PHYHIPL: variants seen among roughly 807,000 people sequenced by gnomAD.
PHYHIPL encodes the protein phytanoyl-CoA 2-hydroxylase interacting protein like.
PHYHIPL carries 9 observed loss-of-function variants against 33.4 expected under a neutral mutation model. That is an observed-to-expected ratio of 0.27 (90% CI 0.16 to 0.47). The LOEUF (loss-of-function observed/expected upper bound fraction) is 0.47, where lower values mean the gene tolerates loss of function less well. Among genes scored for constraint, PHYHIPL ranks in the 20% least tolerant of loss-of-function variants. The probability of loss-of-function intolerance (pLI) is 0.99; values close to 1 mark genes in which losing one functional copy is unlikely to be tolerated. For synonymous variants in PHYHIPL, 153 were observed against 154.1 expected, an observed-to-expected ratio of 0.99 and a Z score of 0.05; for missense variants, 365 against 460.7, an observed-to-expected ratio of 0.79 and a Z score of 1.90.
chr10:59,176,959 G>T lies in PHYHIPL; in HGVS notation c.106G>T (p.Gly36Trp). The T allele has an allele frequency of 4.3e-6, 7 of 1,612,372 alleles. No individual in the cohort carries two copies. Among genetic ancestry groups the T allele is most frequent in the Non-Finnish European group, 5.9e-6 (7 of 1,179,352 alleles). The change falls in exon 1 of 5, where the codon GGG becomes TGG. Residue 36 changes from glycine (G) to tryptophan (W), a missense_variant and splice_region_variant. Physicochemically the swap from Gly to Trp is radical, Grantham distance 184. This residue lies in a region of PHYHIPL where 89 missense variants were observed against 78.3 expected (regional missense o/e 1.14). Coordinates refer to ENST00000373880, the MANE Select transcript of PHYHIPL (RefSeq NM_032439.4). Reference sequence around the variant, plus strand: ...GGCCATTCAGCTGTGCGACCGGGACGGTAAGAGCGGCCGGGACCGCGAGGA... The same window carrying T: ...GGCCATTCAGCTGTGCGACCGGGACTGTAAGAGCGGCCGGGACCGCGAGGA... Reference protein sequence around the residue: ...LEAIQLCDRDGNKSQDSGIAE... With the variant: ...LEAIQLCDRDWNKSQDSGIAE...
chr10:59,197,399 A>G (rs933614533), intron 1 of PHYHIPL, among the ~76,000 whole-genome samples: 3 of 152,158 alleles, frequency 2.0e-5, no homozygotes, highest in Non-Finnish European at 2.9e-5. Context: ...TTCAAATGCA[A>G]CATATATATG....
intron 1 of PHYHIPL, among the ~76,000 whole-genome samples, chr10:59,217,865 G>A (rs1839660528): frequency 6.6e-6 from 1 of 151,862 alleles, no homozygotes; most frequent in Admixed American, 6.6e-5. Flanking sequence ...ATGCTTACCA[G>A]AAAAAAACAC....
chr10:59,199,417 T>G (rs563256280), intron 1 of PHYHIPL, among the ~76,000 whole-genome samples: 1 of 152,338 alleles, frequency 6.6e-6, no homozygotes, highest in East Asian at 1.9e-4. Flanking sequence ...TTGGTCTCTA[T>G]CTCTGTTTTG....
At chr10:59,225,694 A>G (rs1390184240) in intron 1 of PHYHIPL, among the ~76,000 whole-genome samples, 1 of 148,528 alleles carries the variant, frequency 6.7e-6, no homozygotes, top group Non-Finnish European at 1.5e-5. Context: ...CCATATCTCT[A>G]GTTCTTTTTT....
chr10:59,196,723 A>G (rs1838931133), intron 1 of PHYHIPL, among the ~76,000 whole-genome samples: 1 of 152,108 alleles, frequency 6.6e-6, no homozygotes, highest in Non-Finnish European at 1.5e-5. Context: ...GGCCAAGTAC[A>G]CTGTCAACAT....
At chr10:59,177,613 T>C in intron 1 of PHYHIPL, 1 of 1,551,690 alleles carries the variant, frequency 6.4e-7, no homozygotes, top group Non-Finnish European at 8.7e-7. Context: ...TCAGACTTTG[T>C]GGCGAGTACG....
At chr10:59,238,730 T>A (rs776239453) in intron 4 of PHYHIPL, 25 bp downstream of exon 4, 1 of 1,415,840 alleles carries the variant, frequency 7.1e-7, no homozygotes, top group Admixed American at 1.7e-5. Context: ...TATATAGTGA[T>A]TTGTTTTACT....
At chr10:59,217,477 CTATAATATACAATTATAGTATT>C (rs771786785) in intron 1 of PHYHIPL, among the ~76,000 whole-genome samples, 2 of 151,734 alleles carry the variant, frequency 1.3e-5, no homozygotes, top group Non-Finnish European at 2.9e-5. Context: ...TCATTTTTCT[CTATAATATACAATTATAGTATT>C]GTATTTCAAA....
chr10:59,201,331 G>A (rs1839106745), intron 1 of PHYHIPL, among the ~76,000 whole-genome samples: 1 of 152,154 alleles, frequency 6.6e-6, no homozygotes, highest in African/African-American at 2.4e-5. Context: ...TAGTCATTCA[G>A]GAACAGGTTG....
chr10:59,195,607 C>G (rs1449494100), intron 1 of PHYHIPL, among the ~76,000 whole-genome samples: 1 of 152,150 alleles, frequency 6.6e-6, no homozygotes, highest in Non-Finnish European at 1.5e-5. Context: ...GGTCTTATGA[C>G]CTGCCTCAGG....
chr10:59,181,512 T>G (rs1255066121), intron 1 of PHYHIPL, among the ~76,000 whole-genome samples: 1 of 152,238 alleles, frequency 6.6e-6, no homozygotes, highest in Non-Finnish European at 1.5e-5. Context: ...TGTCATTTGC[T>G]ATTTTTCATG....
chr10:59,233,295 C>G (rs942542088), intron 1 of PHYHIPL, among the ~76,000 whole-genome samples: 2 of 151,722 alleles, frequency 1.3e-5, no homozygotes, highest in African/African-American at 4.8e-5. Flanking sequence ...AGAAAACAAT[C>G]TAATCTGGAA....
At chr10:59,174,345 C>T (rs1838216409), upstream of PHYHIPL, among the ~76,000 whole-genome samples, 1 of 152,052 alleles carries the variant, frequency 6.6e-6, no homozygotes. Flanking sequence ...TGACTAAATC[C>T]TTCATACTGG....
chr10:59,180,359 T>TATATATATATATAC (rs1564698961), intron 1 of PHYHIPL, among the ~76,000 whole-genome samples: 4 of 112,554 alleles, frequency 3.6e-5, no homozygotes, highest in African/African-American at 1.0e-4. Context: ...TATATATATA[T>TATATATATATATAC]ATACTTTTTC....
At chr10:59,177,758 G>A (rs1451929468) in intron 1 of PHYHIPL, 2 of 1,006,604 alleles carry the variant, frequency 2.0e-6, no homozygotes, top group East Asian at 2.6e-5. Context: ...GTTAGTTACA[G>A]TGCTTCTGGG....
chr10:59,209,800 C>T, intron 1 of PHYHIPL, among the ~76,000 whole-genome samples: 1 of 152,084 alleles, frequency 6.6e-6, no homozygotes, highest in Non-Finnish European at 1.5e-5. Flanking sequence ...ACAAACCTGA[C>T]AAAAACAAGC....
intron 1 of PHYHIPL, among the ~76,000 whole-genome samples, chr10:59,191,977 T>G (rs1286801412): frequency 1.3e-5 from 2 of 152,050 alleles, no homozygotes; most frequent in Non-Finnish European, 2.9e-5. Flanking sequence ...GGCCAAACAG[T>G]TGAACCAGAG....
At chr10:59,175,886 G>C (rs1274574555), upstream of PHYHIPL, among the ~76,000 whole-genome samples, 1 of 152,226 alleles carries the variant, frequency 6.6e-6, no homozygotes, top group Admixed American at 6.5e-5. Context: ...ATGAAGCTAC[G>C]CTGCGAAGGC....
chr10:59,222,791 T>G lies in PHYHIPL; in HGVS notation c.107-11513T>G, dbSNP rs532823775. Among the ~76,000 whole-genome samples the G allele has an allele frequency of 3.3e-5, 5 of 152,240 alleles. No homozygotes were observed. In the East Asian group the frequency reaches 9.6e-4, roughly 29 times the overall value. ...GATGTTCTGGAGTGAGTTAGAAAAG[T>G]TATGCATTAATTAGACCAAGGATAG... is the stretch of plus-strand genomic sequence containing the variant. On this transcript the variant is annotated intron_variant, in intron 1 of 4. Transcript: ENST00000373880.
Sources: allele counts gnomAD v4.1 joint callset (sites outside exome capture counted in the v4.1 genomes callset), GRCh38; gene constraint gnomAD v4.1.1; regional missense constraint gnomAD v4.1.1; transcripts MANE v1.5; gene names NCBI Gene and HGNC (gene_info 2026-07-23, HGNC 2026-07-21).